BLTP2: variants seen among roughly 807,000 people sequenced by gnomAD.
BLTP2 encodes bridge-like lipid transfer protein family member 2, also known as U937-associated antigen.
chr17:28,642,336 C>A, the BLTP2 span: 1 of 1,614,120 alleles, frequency 6.2e-7, no homozygotes, highest in Non-Finnish European at 8.5e-7. Context: ...ACAGATTAGC[C>A]TGGGAAAGGA....
At chr17:28,640,647 C>T in the BLTP2 span, 4 of 1,613,826 alleles carry the variant, frequency 2.5e-6, no homozygotes, top group Non-Finnish European at 3.4e-6. Flanking sequence ...AAGGAATAGG[C>T]CAGGCAGAGT....
the BLTP2 span, chr17:28,643,709 C>T: frequency 2.6e-6 from 4 of 1,542,884 alleles, no homozygotes; most frequent in East Asian, 2.2e-5. Context: ...AAATAAGCCA[C>T]GAGCAGCTTG....
At chr17:28,628,265 CT>C in the BLTP2 span, 1 of 1,613,270 alleles carries the variant, frequency 6.2e-7, no homozygotes, top group Non-Finnish European at 8.5e-7. Flanking sequence ...CCGAGCTTAC[CT>C]CCTGATGACC....
the BLTP2 span, chr17:28,615,966 A>G: frequency 1.0e-6 from 1 of 1,003,238 alleles, no homozygotes. Flanking sequence ...TGAGGGGAGC[A>G]GAGGGAACAG....
At chr17:28,643,724 G>A in the BLTP2 span, 97 of 1,446,398 alleles carry the variant, frequency 6.7e-5, no homozygotes, top group Admixed American at 8.4e-5. Context: ...AGCTTGACAA[G>A]CCAGGAAATG....
the BLTP2 span, chr17:28,628,632 T>C: frequency 5.3e-4 from 713 of 1,337,556 alleles, 7 homozygotes; most frequent in East Asian, 0.015. Context: ...TGATAAAAGT[T>C]TGTTGAATAA....
chr17:28,643,051 G>A, the BLTP2 span: 42 of 1,528,584 alleles, frequency 2.7e-5, no homozygotes, highest in Non-Finnish European at 3.7e-5. Context: ...CTTTCCAGAT[G>A]AGAAAGAGGG....
At chr17:28,624,141 C>G in the BLTP2 span, 1 of 1,479,108 alleles carries the variant, frequency 6.8e-7, no homozygotes, top group Non-Finnish European at 9.3e-7. Flanking sequence ...TTTTGGAGCT[C>G]TATTCACCCA....
chr17:28,619,803 A>C, the BLTP2 span: 1 of 1,613,882 alleles, frequency 6.2e-7, no homozygotes, highest in Non-Finnish European at 8.5e-7. Context: ...AAACTGAGAG[A>C]CCGCCCTCGT....
the BLTP2 span, chr17:28,615,320 A>G: frequency 1.8e-5 from 24 of 1,320,954 alleles, no homozygotes; most frequent in Non-Finnish European, 1.0e-6. Context: ...ATGAACCAAG[A>G]CAATAAAGAT....
chr17:28,635,106 C>T, the BLTP2 span: 9 of 1,613,004 alleles, frequency 5.6e-6, no homozygotes, highest in South Asian at 1.1e-5. Flanking sequence ...GATAAGGAAA[C>T]TCCACCGAGA....
the BLTP2 span, chr17:28,645,112 G>C: frequency 1.3e-6 from 2 of 1,502,144 alleles, no homozygotes; most frequent in Admixed American, 2.0e-5. Context: ...GGGCCCCGAC[G>C]CCGGATCCGC....
At chr17:28,640,602 A>T in the BLTP2 span, 1 of 1,614,184 alleles carries the variant, frequency 6.2e-7, no homozygotes, top group Non-Finnish European at 8.5e-7. Flanking sequence ...TGTGTTCTCC[A>T]TCTTAACCTT....
the BLTP2 span, chr17:28,616,141 G>A: frequency 1.9e-6 from 3 of 1,614,072 alleles, no homozygotes; most frequent in African/African-American, 1.3e-5. The surrounding 1 kb of genome is among the most constrained non-coding windows in gnomAD (Gnocchi z 4.8). Flanking sequence ...TTATGTAGAT[G>A]AAGGAGTTGT....
At chr17:28,619,052 G>T in the BLTP2 span, 1 of 1,140,522 alleles carries the variant, frequency 8.8e-7, no homozygotes, top group Non-Finnish European at 1.3e-6. Context: ...CTAGAATGAT[G>T]CAGGAGGTAA....
the BLTP2 span, chr17:28,640,329 G>A: frequency 5.8e-6 from 3 of 518,002 alleles, no homozygotes; most frequent in Non-Finnish European, 1.0e-5. Context: ...GGAGGCAGAG[G>A]TTGTGGTGAG....
the BLTP2 span, chr17:28,638,240 G>A: frequency 1.2e-6 from 2 of 1,608,966 alleles, no homozygotes; most frequent in Admixed American, 1.7e-5. Context: ...ATTCACCAAA[G>A]CCCTCACCTA....
At chr17:28,635,569 G>C in the BLTP2 span, 1 of 1,613,932 alleles carries the variant, frequency 6.2e-7, no homozygotes, top group East Asian at 2.2e-5. Flanking sequence ...CATGTGATCT[G>C]GGGGGCTCCA....
the BLTP2 span, chr17:28,628,575 A>C: frequency 1.2e-6 from 2 of 1,608,668 alleles, no homozygotes; most frequent in Non-Finnish European, 1.7e-6. Context: ...AAACAGGAAA[A>C]GGACTTCAGG....
Sources: gnomAD v4.1 joint callset for allele counts on GRCh38, gnomAD v4.1.1 for gene constraint, Gnocchi (gnomAD v3.1) non-coding constraint, MANE v1.5 for transcripts, NCBI Gene and HGNC (gene_info 2026-07-23, HGNC 2026-07-21) for gene names.